ZNF391: variants seen among roughly 807,000 people sequenced by gnomAD.
ZNF391 encodes zinc finger protein 391.
For missense variants in ZNF391, 375 were observed against 425.5 expected, an observed-to-expected ratio of 0.88 and a Z score of 1.04; for synonymous variants, 126 against 142.1, an observed-to-expected ratio of 0.89 and a Z score of 0.80.
chr6:27,400,342 C>T lies in ZNF391; in HGVS notation c.-29C>T. ...AGCATCAACACCAATCAGACTGTTT[C>T]CGAAGAACTAGAGTTTTCTGGGTCA... On this transcript the variant is annotated 5_prime_UTR_variant, in exon 3 of 3. Coordinates refer to ENST00000244576, the MANE Select transcript of ZNF391 (RefSeq NM_001076781.3). 6.5e-7 allele frequency: 1 copy of T among 1,545,246 alleles called. No homozygotes were observed. Among genetic ancestry groups the T allele is most frequent in the Non-Finnish European group, 8.7e-7 (1 of 1,144,462 alleles).
chr6:27,395,293 C>G (rs1761799777), intron 1 of ZNF391, among the ~76,000 whole-genome samples: 1 of 152,028 alleles, frequency 6.6e-6, no homozygotes, highest in South Asian at 2.1e-4. Flanking sequence ...GAGGTAGATC[C>G]CTCGTGGCTT....
In ZNF391 at chr6:27,401,078, A is replaced by G; in HGVS notation, c.708A>G (p.Ile236Met). 1.2e-6 allele frequency: 2 copies of G among 1,614,130 alleles called. No individual in the cohort carries two copies. The highest frequency in any genetic ancestry group is 1.7e-6 in the Non-Finnish European group (2 of 1,180,014). The change falls in exon 3 of 3, where the codon ATA becomes ATG. Residue 236 changes from isoleucine (I) to methionine (M), a missense_variant. Coordinates refer to ENST00000244576, the MANE Select transcript of ZNF391 (RefSeq NM_001076781.3). The stretch of plus-strand genomic sequence containing the variant: ...AAGCCTTCGGTGACCGTTCAACCAT[A>G]ATTCAGCATCAACGAATACACACTG... ...CGKAFGDRSTIIQHQRIHTGE... is the reference protein window; with the variant it reads ...CGKAFGDRSTMIQHQRIHTGE...
intron 1 of ZNF391, among the ~76,000 whole-genome samples, chr6:27,393,437 A>G (rs529516533): frequency 6.6e-6 from 1 of 152,312 alleles, no homozygotes; most frequent in African/African-American, 2.4e-5. Flanking sequence ...CCTCCCCAGA[A>G]GCTGAGCAGA....
upstream of ZNF391, among the ~76,000 whole-genome samples, chr6:27,385,788 G>A (rs1761575802): frequency 6.6e-6 from 1 of 152,014 alleles, no homozygotes; most frequent in Admixed American, 6.5e-5. Flanking sequence ...AGATATAATG[G>A]CCATCTATAG....
intron 1 of ZNF391, among the ~76,000 whole-genome samples, chr6:27,380,369 T>TTACAGC (rs1372937209): frequency 6.6e-6 from 1 of 152,160 alleles, no homozygotes; most frequent in African/African-American, 2.4e-5. Flanking sequence ...GCGGTGAGTA[T>TTACAGC]TACAGCTCTT....
chr6:27,392,348 C>T (rs903668648), intron 1 of ZNF391, among the ~76,000 whole-genome samples: 6 of 152,100 alleles, frequency 3.9e-5, no homozygotes, highest in African/African-American at 9.7e-5. Flanking sequence ...CTCTACCTCC[C>T]AGGTTCAAGC....
At chr6:27,395,969 G>A (rs1192577507) in intron 1 of ZNF391, among the ~76,000 whole-genome samples, 1 of 152,120 alleles carries the variant, frequency 6.6e-6, no homozygotes, top group Non-Finnish European at 1.5e-5. Context: ...AATCTTCAGA[G>A]ACTTCTGTTG....
chr6:27,399,124 G>T (rs546132131), intron 1 of ZNF391, among the ~76,000 whole-genome samples: 11 of 152,164 alleles, frequency 7.2e-5, no homozygotes, highest in Admixed American at 7.2e-4. Context: ...TCACATGAAC[G>T]TATTAAAATA....
At chr6:27,400,146 TTC>T in intron 2 of ZNF391, 145 bp from the exon 3 acceptor site, 1 of 428,414 alleles carries the variant, frequency 2.3e-6, no homozygotes, top group Non-Finnish European at 4.1e-6. Flanking sequence ...TCTGGCTTTG[TTC>T]TCCTCCACTA....
At chr6:27,393,458 A>G (rs549561917) in intron 1 of ZNF391, among the ~76,000 whole-genome samples, 1 of 152,314 alleles carries the variant, frequency 6.6e-6, no homozygotes, top group African/African-American at 2.4e-5. Context: ...TGCCATCACC[A>G]TGGTTGTACA....
At chr6:27,395,072 C>G (rs1026134137) in intron 1 of ZNF391, 12 of 152,066 alleles carry the variant, frequency 7.9e-5, no homozygotes, top group Non-Finnish European at 1.6e-4. Context: ...GGACTTGGGA[C>G]TTTTGAGTTA....
At chr6:27,392,599 A>G (rs1418955262) in intron 1 of ZNF391, among the ~76,000 whole-genome samples, 1 of 152,188 alleles carries the variant, frequency 6.6e-6, no homozygotes, top group East Asian at 1.9e-4. Flanking sequence ...GCTGAGATTT[A>G]CTGCAGCCTT....
chr6:27,391,823 C>G (rs1343639321), intron 1 of ZNF391, among the ~76,000 whole-genome samples: 3 of 152,220 alleles, frequency 2.0e-5, no homozygotes, highest in Non-Finnish European at 4.4e-5. Flanking sequence ...TCAACACTCC[C>G]TCACTCTAAT....
intron 1 of ZNF391, among the ~76,000 whole-genome samples, chr6:27,380,331 C>A (rs1275333183): frequency 6.6e-6 from 1 of 150,752 alleles, no homozygotes; most frequent in Non-Finnish European, 1.5e-5. Flanking sequence ...CATAGCCTGG[C>A]GGCTCAGGAG....
intron 1 of ZNF391, among the ~76,000 whole-genome samples, chr6:27,378,090 G>T (rs1397922003): frequency 6.6e-6 from 1 of 152,086 alleles, no homozygotes. Flanking sequence ...ATATTGAATG[G>T]TCTATTTATA....
In ZNF391 at chr6:27,401,666, C is replaced by T. The variant is rs1309404956; in HGVS notation, c.*219C>T. On this transcript the variant is annotated 3_prime_UTR_variant, in exon 3 of 3. Transcript: ENST00000244576. Reference sequence around the variant, plus strand: ...CCTCCTTCCTACTTTTTCTCCCTCTCCCTGTTCTTTCTTTCTCTTTTCTCA... The same window carrying T: ...CCTCCTTCCTACTTTTTCTCCCTCTTCCTGTTCTTTCTTTCTCTTTTCTCA... 9.7e-6 allele frequency: 4 copies of T among 412,262 alleles called. No individual in the cohort carries two copies. The highest frequency in any genetic ancestry group is 7.2e-5 in the East Asian group (2 of 27,602). The allele number at this position is 412,262 out of a possible 1,614,324, so 25.5% of individuals were successfully genotyped here. A position where few individuals can be genotyped will look rare whatever the true frequency, so the allele number is the denominator to read the frequency against.
intron 1 of ZNF391, among the ~76,000 whole-genome samples, chr6:27,394,249 C>T (rs919016618): frequency 1.3e-5 from 2 of 152,192 alleles, no homozygotes; most frequent in African/African-American, 4.8e-5. Context: ...GGCTGAGAGG[C>T]CCAGGAGGAC....
rs1026102919 is a variant in ZNF391, at chr6:27,401,644, C to T, written c.*197C>T. On this transcript the variant is annotated 3_prime_UTR_variant, in exon 3 of 3. Transcript: ENST00000244576. ...CCCCTCCCTTCTTCCCTCCTTCCCTCCTTCCTACTTTTTCTCCCTCTCCCT... is the reference window on the plus strand; with the variant it reads ...CCCCTCCCTTCTTCCCTCCTTCCCTTCTTCCTACTTTTTCTCCCTCTCCCT... 1 of 442,458 alleles carries T rather than the reference C, an allele frequency of 2.3e-6. No homozygotes were observed. The highest frequency in any genetic ancestry group is 4.0e-6 in the Non-Finnish European group (1 of 251,614). 27.4% of individuals were successfully genotyped at this position (442,458 alleles called of 1,614,324 possible).
rs1002505115 is a variant in ZNF391 at position 27,376,335 on chromosome 6, C to T, written n.523+1198C>T. Among the ~76,000 whole-genome samples, 23 of 152,316 alleles carry T rather than the reference C, an allele frequency of 1.5e-4. No homozygotes were observed. Among genetic ancestry groups the T allele is most frequent in the African/African-American group, 5.3e-4 (22 of 41,572 alleles). On this transcript the variant is annotated intron_variant and non_coding_transcript_variant, in intron 1 of 2. Transcript: ENST00000477999. The surrounding 1 kb of genome is among the most constrained non-coding windows in gnomAD (Gnocchi z 4.7). ...GTTAAGTAACTCACCCAAGGTCATT[C>T]ACTTGATTTGGCTACAGGAGCACAT...
Sources: gnomAD v4.1 joint callset for allele counts (sites outside exome capture counted in the v4.1 genomes callset) on GRCh38, gnomAD v4.1.1 for gene constraint, Gnocchi (gnomAD v3.1) non-coding constraint, MANE v1.5 for transcripts, NCBI Gene and HGNC (gene_info 2026-07-23, HGNC 2026-07-21) for gene names.